The following ZFHX3 variants were observed in gnomAD, a reference collection of about 807,000 sequenced individuals.
The protein encoded by ZFHX3 is zinc finger homeobox protein 3.
A neutral mutation model predicts 279.1 loss-of-function variants in ZFHX3; 42 were observed. The observed-to-expected ratio is 0.15, with a 90% CI of 0.12 to 0.19. ZFHX3 has a LOEUF of 0.19. Ranked by LOEUF, ZFHX3 falls within the 10% of genes least tolerant of loss-of-function variation. The pLI, the probability that ZFHX3 is intolerant of heterozygous loss-of-function variation, is 1.00. For synonymous variants in ZFHX3, 2,293 were observed against 1,957.8 expected (o/e 1.17, Z -4.52); for missense variants, 4,981 against 4,754.0 (o/e 1.05, Z -1.40).
intron 1 of ZFHX3, among the ~76,000 whole-genome samples, chr16:73,788,059 A>T (rs1959707550): frequency 6.6e-6 from 1 of 152,044 alleles, no homozygotes; most frequent in Non-Finnish European, 1.5e-5. Context: ...GGAGCTAAAA[A>T]ACAACATGGT....
At chr16:73,322,864 G>A (rs1470720284) in intron 3 of ZFHX3, among the ~76,000 whole-genome samples, 1 of 152,232 alleles carries the variant, frequency 6.6e-6, no homozygotes, top group Non-Finnish European at 1.5e-5. Context: ...TGGTCTAGCT[G>A]ACGGTCAGCA....
At chr16:73,422,787 T>C (rs1473448394) in intron 3 of ZFHX3, among the ~76,000 whole-genome samples, 2 of 152,230 alleles carry the variant, frequency 1.3e-5, no homozygotes, top group Non-Finnish European at 2.9e-5. Context: ...CTCCATTGAA[T>C]ACTATGGATT....
chr16:72,949,054 C>T (rs1427448151), intron 3 of ZFHX3, among the ~76,000 whole-genome samples: 1 of 152,210 alleles, frequency 6.6e-6, no homozygotes, highest in Non-Finnish European at 1.5e-5. Flanking sequence ...CTACCTCATT[C>T]CTGCTTTCTC....
intron 3 of ZFHX3, among the ~76,000 whole-genome samples, chr16:73,382,354 T>G (rs570000219): frequency 2.0e-5 from 3 of 152,322 alleles, no homozygotes; most frequent in African/African-American, 7.2e-5. Flanking sequence ...GAGAAGAATG[T>G]TTGCAGTACA....
chr16:73,183,941 A>G (rs1967854750), intron 5 of ZFHX3, among the ~76,000 whole-genome samples: 1 of 151,982 alleles, frequency 6.6e-6, no homozygotes, highest in South Asian at 2.1e-4. Context: ...TAAATTAAAA[A>G]CAGTTGTGAA....
intron 2 of ZFHX3, among the ~76,000 whole-genome samples, chr16:73,560,490 C>A (rs1393821391): frequency 6.6e-6 from 1 of 152,194 alleles, no homozygotes; most frequent in African/African-American, 2.4e-5. Flanking sequence ...GGCCCTGTCG[C>A]TCTTCTCTTA....
chr16:73,835,815 C>A (rs1031957161), intron 1 of ZFHX3, among the ~76,000 whole-genome samples: 1 of 152,064 alleles, frequency 6.6e-6, no homozygotes, highest in Admixed American at 6.6e-5. Flanking sequence ...AAGAAAATTA[C>A]ACTTAAATTT....
intron 1 of ZFHX3, among the ~76,000 whole-genome samples, chr16:73,890,111 C>T (rs932728386): frequency 4.0e-5 from 6 of 151,782 alleles, no homozygotes; most frequent in Admixed American, 2.0e-4. Flanking sequence ...AGACAAGACT[C>T]GGAGAAAACT....
At chr16:73,330,669 A>G (rs1277693752) in intron 3 of ZFHX3, among the ~76,000 whole-genome samples, 2 of 152,186 alleles carry the variant, frequency 1.3e-5, no homozygotes, top group Admixed American at 6.5e-5. Flanking sequence ...TGATCACTGA[A>G]CAAGGGAGAG....
intron 2 of ZFHX3, among the ~76,000 whole-genome samples, chr16:73,570,694 T>A (rs2051726409): frequency 6.6e-6 from 1 of 152,220 alleles, no homozygotes. Flanking sequence ...TTGGTTTTCA[T>A]TAACTTGCAA....
At chr16:72,872,946 C>A (rs2038201512) in intron 4 of ZFHX3, among the ~76,000 whole-genome samples, 1 of 152,200 alleles carries the variant, frequency 6.6e-6, no homozygotes, top group South Asian at 2.1e-4. Flanking sequence ...CGACCAGAGT[C>A]CTGAACTCCC....
chr16:72,908,226 C>T (rs1319584023), intron 3 of ZFHX3, among the ~76,000 whole-genome samples: 1 of 152,162 alleles, frequency 6.6e-6, no homozygotes, highest in East Asian at 1.9e-4. Flanking sequence ...GGAGCCACGT[C>T]ATTCTGCAGT....
At chr16:72,856,515 T>C (rs1047853356) in intron 4 of ZFHX3, among the ~76,000 whole-genome samples, 17 of 152,106 alleles carry the variant, frequency 1.1e-4, no homozygotes, top group Non-Finnish European at 1.9e-4. Context: ...CCAAACCACC[T>C]CTGGGAGGAG....
At chr16:73,697,876 G>A (rs558193735) in intron 1 of ZFHX3, among the ~76,000 whole-genome samples, 3 of 152,206 alleles carry the variant, frequency 2.0e-5, no homozygotes, top group African/African-American at 4.8e-5. Flanking sequence ...TTGTGGAAAC[G>A]GCCTATAAGC....
chr16:73,555,209 C>G (rs2020258683), intron 2 of ZFHX3, among the ~76,000 whole-genome samples: 1 of 152,166 alleles, frequency 6.6e-6, no homozygotes, highest in Non-Finnish European at 1.5e-5. Context: ...GGCTGCAGTG[C>G]AGTGGCGCGA....
chr16:73,561,022 G>A (rs1296068658), intron 2 of ZFHX3, among the ~76,000 whole-genome samples: 1 of 152,180 alleles, frequency 6.6e-6, no homozygotes, highest in Non-Finnish European at 1.5e-5. Flanking sequence ...ATTATATAAA[G>A]AAATAATATG....
intron 5 of ZFHX3, among the ~76,000 whole-genome samples, chr16:73,148,834 C>A (rs903610574): frequency 4.0e-5 from 6 of 151,524 alleles, no homozygotes; most frequent in Non-Finnish European, 7.4e-5. Flanking sequence ...GTAGTCCCAG[C>A]TACTCAGGAG....
chr16:73,264,767 T>C (rs1040396325), intron 4 of ZFHX3, among the ~76,000 whole-genome samples: 54 of 152,054 alleles, frequency 3.6e-4, no homozygotes, highest in African/African-American at 1.0e-3. Flanking sequence ...CCAAAGTCCA[T>C]TGTATCATTC....
chr16:73,081,131 C>T (rs964039783), intron 8 of ZFHX3: 3 of 152,200 alleles, frequency 2.0e-5, no homozygotes, highest in African/African-American at 7.2e-5. Context: ...ACATGGACTA[C>T]CAAAACCTCA....
Sources: allele counts gnomAD v4.1 joint callset (sites outside exome capture counted in the v4.1 genomes callset), GRCh38; gene constraint gnomAD v4.1.1; transcripts MANE v1.5; gene names NCBI Gene and HGNC (gene_info 2026-07-23, HGNC 2026-07-21).